Variants in ABR observed in about 807,000 individuals in gnomAD.
The protein encoded by ABR is ABR activator of RhoGEF and GTPase.
Under a neutral mutation model 107.2 loss-of-function variants are expected in ABR, and 35 were observed. The observed-to-expected ratio is 0.33, with a 90% CI of 0.25 to 0.43. ABR has a LOEUF of 0.43. Ranked by LOEUF, ABR falls within the 20% of genes least tolerant of loss-of-function variation. The pLI is 1.00. For synonymous variants in ABR, 498 were observed against 462.0 expected (o/e 1.08, Z -1.00); for missense variants, 815 against 1,115.2 (o/e 0.73, Z 3.83).
chr17:1,194,538 C>T (rs2042509563), intron 1 of ABR, among the ~76,000 whole-genome samples: 1 of 124,026 alleles, frequency 8.1e-6, no homozygotes, highest in Admixed American at 1.0e-4. Flanking sequence ...ATCGCCCAGA[C>T]TGGAGTGTAG....
At chr17:1,195,491 A>C (rs997503459) in intron 1 of ABR, among the ~76,000 whole-genome samples, 12 of 151,752 alleles carry the variant, frequency 7.9e-5, no homozygotes, top group African/African-American at 2.4e-4. Flanking sequence ...CAGGCTCAGC[A>C]AGTAGCGTAA....
At chr17:1,167,334 A>C (rs2041553095) in intron 1 of ABR, among the ~76,000 whole-genome samples, 1 of 146,536 alleles carries the variant, frequency 6.8e-6, no homozygotes, top group Non-Finnish European at 1.5e-5. Flanking sequence ...TCGTCTCTTC[A>C]TAGCCACCCC....
At position 1,179,658 on chromosome 17, in the gene ABR, C is replaced by A. The variant is rs922667043; in HGVS notation, c.61+9G>T. The stretch of plus-strand genomic sequence containing the variant: ...ATCCTGGGGTCCCGCCCCCGCCCGG[C>A]ACACGTACTGCTGTAGAGGGTGTCG... On this transcript the variant is annotated intron_variant, in intron 1 of 22. Transcript: ENST00000302538. This position sits in a 1 kb window ranked among gnomAD's most constrained non-coding sequence, Gnocchi z 4.9. 2 of 1,543,126 alleles carry A rather than the reference C, an allele frequency of 1.3e-6. No individual in the cohort carries two copies. The highest frequency in any genetic ancestry group is 8.7e-7 in the Non-Finnish European group (1 of 1,144,448).
exon 1 of ABR, among the ~76,000 whole-genome samples, chr17:1,229,263 T>TGGA (rs527264358): frequency 6.6e-6 from 1 of 151,468 alleles, no homozygotes; most frequent in Non-Finnish European, 1.5e-5. Context: ...GAGCTGCCGG[T>TGGA]GGACGGCGTC....
At chr17:1,111,083 GC>G (rs2038648496) in intron 2 of ABR, among the ~76,000 whole-genome samples, 1 of 152,162 alleles carries the variant, frequency 6.6e-6, no homozygotes, top group Admixed American at 6.5e-5. Flanking sequence ...GGCATGGGCT[GC>G]CCACATGAGT....
At chr17:1,156,338 A>T (rs1379793847) in intron 1 of ABR, among the ~76,000 whole-genome samples, 3 of 152,056 alleles carry the variant, frequency 2.0e-5, no homozygotes, top group Non-Finnish European at 4.4e-5. Context: ...ACCTCTTTTC[A>T]TGTGAAGAAA....
chr17:1,178,299 C>T (rs550961002), intron 1 of ABR, among the ~76,000 whole-genome samples: 18 of 152,044 alleles, frequency 1.2e-4, no homozygotes, highest in Non-Finnish European at 1.9e-4. Context: ...CTTGTTGGCT[C>T]ACGCCTGTAA....
intron 6 of ABR, among the ~76,000 whole-genome samples, chr17:1,076,789 G>A (rs1408021149): frequency 6.7e-6 from 1 of 149,948 alleles, no homozygotes. Context: ...GAATAAGAGC[G>A]GCCCTGAAGT....
In ABR at chr17:1,068,953, A is replaced by G. The variant is rs548512843; in HGVS notation, c.1016+1016T>C. Among the ~76,000 whole-genome samples, 8 of 152,372 alleles carry G rather than the reference A, an allele frequency of 5.3e-5. No individual in the cohort carries two copies. In the South Asian group the frequency reaches 1.5e-3, roughly 28 times the overall value. The stretch of plus-strand genomic sequence containing the variant: ...GCACCTGGCATGGCATAAACCCTCA[A>G]TAAATAGTAGCAGGAGACGTGGTGA... On this transcript the variant is annotated intron_variant, in intron 9 of 22. Transcript: ENST00000302538.
chr17:1,164,610 C>T (rs1381168887), intron 1 of ABR, among the ~76,000 whole-genome samples: 4 of 152,200 alleles, frequency 2.6e-5, no homozygotes, highest in African/African-American at 9.7e-5. Context: ...ACATGAACGT[C>T]GGGTGAGCAA....
At chr17:1,018,144 G>A (rs111981577) in intron 16 of ABR, among the ~76,000 whole-genome samples, 3,578 of 152,060 alleles carry the variant, frequency 0.024, 133 homozygotes, top group African/African-American at 0.081. Context: ...CCGGGTTCAC[G>A]CCATTCTCCT....
At chr17:1,124,358 C>G (rs1407197294) in intron 2 of ABR, among the ~76,000 whole-genome samples, 1 of 152,124 alleles carries the variant, frequency 6.6e-6, no homozygotes, top group Non-Finnish European at 1.5e-5. Context: ...ACGAGCAGGA[C>G]CAAGCAAGGA....
Position 1,050,798 on chromosome 17 carries a change from C to T in ABR, c.1562-164G>A, listed in dbSNP as rs1054838035. Among the ~76,000 whole-genome samples, 3 of 152,036 alleles carry T rather than the reference C, an allele frequency of 2.0e-5. No homozygotes were observed. Among genetic ancestry groups the T allele is most frequent in the African/African-American group, 7.2e-5 (3 of 41,390 alleles). ...TGAAGCCCGGGACCATCTGGCTTCT[C>T]CCCTGCCCCCTTCTTAGGGGCTCAG... On this transcript the variant is annotated intron_variant, in intron 14 of 22. Coordinates refer to ENST00000302538, the MANE Select transcript of ABR (RefSeq NM_021962.5). This position sits in a 1 kb window ranked among gnomAD's most constrained non-coding sequence, Gnocchi z 4.6.
intron 1 of ABR, among the ~76,000 whole-genome samples, chr17:1,129,404 C>T (rs898628386): frequency 3.3e-5 from 5 of 151,476 alleles, no homozygotes; most frequent in African/African-American, 4.9e-5. Context: ...TGGTGGTTGG[C>T]GCCTGTTGTC....
At chr17:1,182,717 T>G (rs1041506077), upstream of ABR, among the ~76,000 whole-genome samples, 1 of 152,140 alleles carries the variant, frequency 6.6e-6, no homozygotes, top group Admixed American at 6.5e-5. Flanking sequence ...AGCTAACTGG[T>G]GATCACCGGG....
intron 2 of ABR, chr17:1,108,815 C>CTCGCGGAT (rs2038442464): frequency 8.5e-7 from 1 of 1,180,796 alleles, no homozygotes; most frequent in Non-Finnish European, 1.1e-6. Flanking sequence ...GGCCGGGACC[C>CTCGCGGAT]TCCGCCGAGG....
chr17:1,044,543 C>T (rs1412409224), intron 16 of ABR, among the ~76,000 whole-genome samples: 3 of 151,748 alleles, frequency 2.0e-5, no homozygotes, highest in South Asian at 2.1e-4. Context: ...CCCAGCTACT[C>T]GGGAGGCTGG....
chr17:1,039,822 C>T (rs748260248), intron 16 of ABR, among the ~76,000 whole-genome samples: 8 of 152,124 alleles, frequency 5.3e-5, no homozygotes, highest in Non-Finnish European at 1.0e-4. Flanking sequence ...AGCCAGGAGC[C>T]GAGGCGGGGC....
chr17:1,206,572 G>A (rs897436887), intron 1 of ABR, among the ~76,000 whole-genome samples: 3 of 152,040 alleles, frequency 2.0e-5, no homozygotes, highest in Non-Finnish European at 4.4e-5. Flanking sequence ...ACCAGCTTTC[G>A]TTTCTGGGCT....
Sources: allele counts gnomAD v4.1 joint callset (sites outside exome capture counted in the v4.1 genomes callset), GRCh38; gene constraint gnomAD v4.1.1; non-coding constraint Gnocchi (gnomAD v3.1); transcripts MANE v1.5; gene names NCBI Gene and HGNC (gene_info 2026-07-23, HGNC 2026-07-21).